The following JMJD1C variants were observed in gnomAD, a reference collection of about 807,000 sequenced individuals.
The protein encoded by JMJD1C is jumonji domain-containing protein 1C.
Under a neutral mutation model 245.3 loss-of-function variants are expected in JMJD1C, and 31 were observed. The ratio of observed to expected loss-of-function variants is 0.13; its 90% CI spans 0.09 to 0.17. JMJD1C has a LOEUF of 0.17. Among genes scored for constraint, JMJD1C ranks in the 10% least tolerant of loss-of-function variants. The probability of loss-of-function intolerance (pLI) is 1.00; values close to 1 mark genes in which losing one functional copy is unlikely to be tolerated. For synonymous variants in JMJD1C, 1,057 were observed against 1,017.4 expected, an observed-to-expected ratio of 1.04 and a Z score of -0.74; for missense variants, 2,691 against 3,000.2, an observed-to-expected ratio of 0.90 and a Z score of 2.41.
intron 2 of JMJD1C, chr10:63,373,091 T>A: frequency 5.7e-6 from 1 of 175,258 alleles, no homozygotes; most frequent in Admixed American, 6.3e-5. Context: ...TTTCTTTCCC[T>A]GGTGCCGATA....
intron 1 of JMJD1C, among the ~76,000 whole-genome samples, chr10:63,432,752 AAC>A (rs1338696298): frequency 1.3e-5 from 2 of 152,226 alleles, no homozygotes; most frequent in African/African-American, 4.8e-5. Context: ...TCATAATAAA[AAC>A]ACAGAGACCT....
intron 3 of JMJD1C, among the ~76,000 whole-genome samples, chr10:63,239,773 C>A (rs1253635150): frequency 6.6e-6 from 1 of 152,038 alleles, no homozygotes; most frequent in African/African-American, 2.4e-5. Flanking sequence ...GACAAACTGG[C>A]ATAGATGTGA....
chr10:63,509,674 G>A (rs1173187523), intron 1 of JMJD1C, among the ~76,000 whole-genome samples: 2 of 152,106 alleles, frequency 1.3e-5, no homozygotes, highest in East Asian at 3.9e-4. Flanking sequence ...TTTCATCTAG[G>A]TTATGAAATT....
chr10:63,223,525 G>T (rs982576417), intron 3 of JMJD1C, among the ~76,000 whole-genome samples: 2 of 152,088 alleles, frequency 1.3e-5, no homozygotes, highest in Non-Finnish European at 2.9e-5. Flanking sequence ...ATCACGCCTG[G>T]CTATAAACTG....
At chr10:63,472,005 C>T (rs1953505630) in intron 1 of JMJD1C, among the ~76,000 whole-genome samples, 1 of 152,186 alleles carries the variant, frequency 6.6e-6, no homozygotes, top group South Asian at 2.1e-4. Context: ...CACCACTGCA[C>T]TGAAGCCTGG....
chr10:63,295,553 GTC>G (rs1365050550), intron 2 of JMJD1C, among the ~76,000 whole-genome samples: 1 of 152,082 alleles, frequency 6.6e-6, no homozygotes, highest in Non-Finnish European at 1.5e-5. Flanking sequence ...CAAGAAAGGG[GTC>G]TCTCTCAAGA....
intron 11 of JMJD1C, among the ~76,000 whole-genome samples, chr10:63,199,551 T>G (rs950798796): frequency 6.6e-6 from 1 of 152,178 alleles, no homozygotes; most frequent in African/African-American, 2.4e-5. Context: ...TTTGGTTTTA[T>G]GTTATAATCT....
chr10:63,424,771 A>G (rs1950345274), intron 1 of JMJD1C, among the ~76,000 whole-genome samples: 1 of 152,158 alleles, frequency 6.6e-6, no homozygotes, highest in African/African-American at 2.4e-5. Context: ...AAACTGCTCA[A>G]TCAGCAAAAG....
intron 8 of JMJD1C, among the ~76,000 whole-genome samples, chr10:63,211,528 A>G (rs1419474631): frequency 6.6e-6 from 1 of 151,764 alleles, no homozygotes; most frequent in Non-Finnish European, 1.5e-5. Flanking sequence ...TCATGGCCAC[A>G]GTCTACCCAA....
At chr10:63,385,012 T>C (rs1316278087) in intron 1 of JMJD1C, among the ~76,000 whole-genome samples, 1 of 152,180 alleles carries the variant, frequency 6.6e-6, no homozygotes, top group Non-Finnish European at 1.5e-5. Context: ...TTCCTTTCAC[T>C]TGAAAACATA....
intron 2 of JMJD1C, among the ~76,000 whole-genome samples, chr10:63,351,211 T>C (rs529101192): frequency 2.3e-4 from 35 of 151,692 alleles, no homozygotes; most frequent in Non-Finnish European, 3.7e-4. Flanking sequence ...CCTGAGGAGC[T>C]GGGATTACAA....
intron 1 of JMJD1C, among the ~76,000 whole-genome samples, chr10:63,496,557 G>A (rs1478175418): frequency 2.6e-5 from 4 of 152,114 alleles, no homozygotes; most frequent in South Asian, 2.1e-4. Context: ...CAGAGACATG[G>A]AGCTCCACTA....
At chr10:63,169,049 T>C (rs1056487531) in intron 24 of JMJD1C, among the ~76,000 whole-genome samples, 1 of 152,194 alleles carries the variant, frequency 6.6e-6, no homozygotes, top group Admixed American at 6.6e-5. Context: ...ATGGAAAATG[T>C]AGTCCCAGAC....
At chr10:63,288,864 G>A (rs1473390902) in intron 2 of JMJD1C, among the ~76,000 whole-genome samples, 1 of 149,200 alleles carries the variant, frequency 6.7e-6, no homozygotes, top group African/African-American at 2.5e-5. Flanking sequence ...GGGCGACAAA[G>A]TGACACTGTC....
chr10:63,250,773 C>A (rs1341695814), intron 3 of JMJD1C, among the ~76,000 whole-genome samples: 1 of 152,142 alleles, frequency 6.6e-6, no homozygotes, highest in African/African-American at 2.4e-5. Flanking sequence ...GAGTATCTCA[C>A]TCCGTTACCC....
intron 1 of JMJD1C, among the ~76,000 whole-genome samples, chr10:63,446,609 A>C (rs1951734065): frequency 6.6e-6 from 1 of 152,338 alleles, no homozygotes; most frequent in African/African-American, 2.4e-5. Flanking sequence ...AGAGGCAAGA[A>C]AGACAGATAC....
intron 1 of JMJD1C, among the ~76,000 whole-genome samples, chr10:63,493,246 T>C (rs1049173899): frequency 3.8e-5 from 5 of 131,422 alleles, no homozygotes; most frequent in African/African-American, 1.4e-4. Flanking sequence ...AAAACTGTTA[T>C]TTCTTTTTTT....
chr10:63,519,660 G>A (rs76378600), intron 1 of JMJD1C, among the ~76,000 whole-genome samples: 2,029 of 152,358 alleles, frequency 0.013, 31 homozygotes, highest in African/African-American at 0.034. Context: ...AACCAAGGAT[G>A]TCTTCATGGC....
At chr10:63,303,540 A>C (rs902184519) in intron 2 of JMJD1C, among the ~76,000 whole-genome samples, 1 of 152,198 alleles carries the variant, frequency 6.6e-6, no homozygotes, top group East Asian at 1.9e-4. Context: ...TCCTAACCTC[A>C]GGTGATCTGC....
Sources: allele counts gnomAD v4.1 joint callset (sites outside exome capture counted in the v4.1 genomes callset), GRCh38; gene constraint gnomAD v4.1.1; transcripts MANE v1.5; gene names NCBI Gene and HGNC (gene_info 2026-07-23, HGNC 2026-07-21).